Variants in PID1 observed in about 807,000 individuals in gnomAD.
The protein encoded by PID1 is PTB-containing, cubilin and LRP1-interacting protein.
Under a neutral mutation model 19.1 loss-of-function variants are expected in PID1, and 10 were observed. The observed-to-expected ratio is 0.52, with a 90% confidence interval of 0.32 to 0.89. The LOEUF (loss-of-function observed/expected upper bound fraction) is 0.89. Ranked by LOEUF, PID1 falls within the 40% of genes least tolerant of loss-of-function variation. The probability of loss-of-function intolerance (pLI) is 0.03; values close to 1 mark genes in which losing one functional copy is unlikely to be tolerated. For missense variants in PID1, 248 were observed against 285.3 expected, an observed-to-expected ratio of 0.87 and a Z score of 0.94; for synonymous variants, 130 against 116.0, an observed-to-expected ratio of 1.12 and a Z score of -0.78.
At chr2:229,067,908 G>A (rs897954840) in intron 2 of PID1, among the ~76,000 whole-genome samples, 1 of 152,160 alleles carries the variant, frequency 6.6e-6, no homozygotes, top group Non-Finnish European at 1.5e-5. Flanking sequence ...TGGGGGCAGG[G>A]CAAGGTCTCT....
At chr2:229,071,934 T>C (rs1694462810) in intron 2 of PID1, among the ~76,000 whole-genome samples, 1 of 152,224 alleles carries the variant, frequency 6.6e-6, no homozygotes, top group South Asian at 2.1e-4. Context: ...GCCATCCTTA[T>C]AAAAGTAATT....
chr2:229,187,029 C>A (rs1559276370), intron 1 of PID1, among the ~76,000 whole-genome samples: 1 of 152,174 alleles, frequency 6.6e-6, no homozygotes, highest in Non-Finnish European at 1.5e-5. Flanking sequence ...AGTCTCTTTA[C>A]TAAAACATAG....
chr2:229,135,471 A>C (rs1689840856), intron 2 of PID1, among the ~76,000 whole-genome samples: 1 of 152,258 alleles, frequency 6.6e-6, no homozygotes, highest in Non-Finnish European at 1.5e-5. Flanking sequence ...TTACACTTAC[A>C]GAAAAACAAT....
chr2:229,227,857 G>T (rs574582964), intron 1 of PID1: 2 of 381,700 alleles, frequency 5.2e-6, no homozygotes, highest in South Asian at 4.0e-5. Flanking sequence ...GATTTATATA[G>T]CATTTACACT....
intron 1 of PID1, chr2:229,228,024 G>A (rs777760328): frequency 1.5e-5 from 7 of 455,862 alleles, no homozygotes; most frequent in Non-Finnish European, 2.6e-5. Context: ...CAGGGATACT[G>A]AGGGACAAGT....
At chr2:229,188,421 A>C (rs1691180605) in intron 1 of PID1, among the ~76,000 whole-genome samples, 1 of 152,134 alleles carries the variant, frequency 6.6e-6, no homozygotes, top group South Asian at 2.1e-4. Context: ...GAAGAAAAAG[A>C]ACCAAAAAAG....
At chr2:229,120,883 G>T (rs975886424) in intron 2 of PID1, among the ~76,000 whole-genome samples, 1 of 151,960 alleles carries the variant, frequency 6.6e-6, no homozygotes, top group African/African-American at 2.4e-5. Context: ...TGGTTCCCAG[G>T]AGAGGCAGTT....
At chr2:229,028,484 A>C (rs1188508914) in intron 2 of PID1, among the ~76,000 whole-genome samples, 2 of 152,248 alleles carry the variant, frequency 1.3e-5, no homozygotes, top group African/African-American at 4.8e-5. Flanking sequence ...AACATATTTA[A>C]AAAGGCAGCC....
rs1293626727 is a variant in PID1 at position 229,139,146 on chromosome 2, A to AAAGAAAGAAAGAAAGAAAGC, written c.177+16671_177+16672insGCTTTCTTTCTTTCTTTCTT. On this transcript the variant is annotated intron_variant, in intron 2 of 2. Coordinates refer to ENST00000392055, the MANE Select transcript of PID1 (RefSeq NM_001100818.2). ...GAAAGAAAGAAAGAAAGAAAGAAAGAAAGCAAGCGAGCGAGCAAGCGAGCT... is the reference window on the plus strand; with the variant it reads ...GAAAGAAAGAAAGAAAGAAAGAAAGAAAGAAAGAAAGAAAGAAAGCAAGCAAGCGAGCGAGCAAGCGAGCT... Among the ~76,000 whole-genome samples the AAAGAAAGAAAGAAAGAAAGC allele has an allele frequency of 7.3e-5, 8 of 109,026 alleles. 1 individual carries two copies. Among genetic ancestry groups the AAAGAAAGAAAGAAAGAAAGC allele is most frequent in the African/African-American group, 2.9e-4 (8 of 27,240 alleles). 71.5% of individuals were successfully genotyped at this position (109,026 alleles called of 152,430 possible).
At chr2:229,269,942 G>A (rs1025822728) in intron 1 of PID1, among the ~76,000 whole-genome samples, 4 of 152,122 alleles carry the variant, frequency 2.6e-5, no homozygotes, top group Non-Finnish European at 5.9e-5. Flanking sequence ...TGCCCTCTGC[G>A]GGTTGTTCCT....
At chr2:229,231,896 AT>A (rs1692216782) in intron 1 of PID1, 1 of 1,549,468 alleles carries the variant, frequency 6.5e-7, no homozygotes, top group African/African-American at 1.4e-5. Context: ...TAGATAATTT[AT>A]AAAAAAAAAC....
chr2:229,058,415 T>G lies in PID1; in HGVS notation c.178-32307A>C, dbSNP rs569665895. The stretch of plus-strand genomic sequence containing the variant: ...CCAGCAGAGAAGGTACTCTGCAGCA[T>G]GGATGCTGGTTACACCTAGAGTGGA... On this transcript the variant is annotated intron_variant, in intron 2 of 2. Coordinates refer to ENST00000392055, the MANE Select transcript of PID1 (RefSeq NM_001100818.2). 2.0e-5 allele frequency among the ~76,000 whole-genome samples: 3 copies of G among 152,328 alleles called. No homozygotes were observed. The South Asian group carries it at 6.2e-4, about 32-fold the overall frequency.
chr2:229,067,954 C>T lies in PID1; in HGVS notation c.178-41846G>A, dbSNP rs534540628. On this transcript the variant is annotated intron_variant, in intron 2 of 2. Coordinates refer to ENST00000392055, the MANE Select transcript of PID1 (RefSeq NM_001100818.2). Reference sequence around the variant, plus strand: ...TTTAGAGCAAAAGTCAGTTCCAAAGCTTTCCTTGAAGTCTCCAAGAGGTCT... The same window carrying T: ...TTTAGAGCAAAAGTCAGTTCCAAAGTTTTCCTTGAAGTCTCCAAGAGGTCT... Among the ~76,000 whole-genome samples, 5 of 152,294 alleles carry T rather than the reference C, an allele frequency of 3.3e-5. No individual in the cohort carries two copies. The South Asian group carries it at 1.0e-3, about 32-fold the overall frequency.
intron 1 of PID1, chr2:229,227,919 G>A (rs752781778): frequency 8.8e-6 from 4 of 454,408 alleles, no homozygotes; most frequent in Non-Finnish European, 1.8e-5. Context: ...ACAGGAGGGT[G>A]TGCATCAGTT....
intron 2 of PID1, among the ~76,000 whole-genome samples, chr2:229,138,923 T>G (rs1371448159): frequency 2.2e-5 from 3 of 135,712 alleles, no homozygotes; most frequent in Non-Finnish European, 3.1e-5. Flanking sequence ...GGACAGGGGA[T>G]GAAAGAAGTA....
chr2:229,189,344 C>T (rs1378230300), intron 1 of PID1, among the ~76,000 whole-genome samples: 2 of 152,202 alleles, frequency 1.3e-5, no homozygotes, highest in African/African-American at 4.8e-5. Flanking sequence ...GGCAGAGAAA[C>T]ACTGTGGCTG....
rs1468644490 is a variant in PID1 at position 229,271,260 on chromosome 2, TG to T, written c.-218del. On this transcript the variant is annotated 5_prime_UTR_variant, in exon 1 of 3. Transcript: ENST00000392055. ...CTTGTGGGCACGGCCGCGCGCCGGC[TG>T]TCCTGGCGCAGCTGCGAGAGGACTG... is the stretch of plus-strand genomic sequence containing the variant. 2 of 414,694 alleles carry T rather than the reference TG, an allele frequency of 4.8e-6. No homozygotes were observed. The highest frequency in any genetic ancestry group is 4.3e-5 in the African/African-American group (2 of 46,652). The allele number at this position is 414,694 out of a possible 1,614,324, so 25.7% of individuals were successfully genotyped here.
intron 1 of PID1, among the ~76,000 whole-genome samples, chr2:229,224,030 G>A (rs1473436752): frequency 6.6e-6 from 1 of 152,042 alleles, no homozygotes; most frequent in Non-Finnish European, 1.5e-5. Context: ...GATAACATGT[G>A]GTATTTGATT....
At chr2:229,110,984 C>T (rs770737792) in intron 2 of PID1, among the ~76,000 whole-genome samples, 6 of 152,154 alleles carry the variant, frequency 3.9e-5, no homozygotes, top group South Asian at 2.1e-4. Context: ...ATCATGGGGA[C>T]GGTTTCCCCA....
Sources: allele counts gnomAD v4.1 joint callset (sites outside exome capture counted in the v4.1 genomes callset), GRCh38; gene constraint gnomAD v4.1.1; transcripts MANE v1.5; gene names NCBI Gene and HGNC (gene_info 2026-07-23, HGNC 2026-07-21).